ATG4A: variants seen among roughly 807,000 people sequenced by gnomAD.
The protein encoded by ATG4A is cysteine protease ATG4A.
In ATG4A, 22 loss-of-function variants were observed where a neutral mutation model predicts 38.4. The observed-to-expected ratio is 0.57, with a 90% confidence interval of 0.41 to 0.82. The LOEUF is 0.82. Among genes scored for constraint, ATG4A ranks in the 40% least tolerant of loss-of-function variants. ATG4A has a pLI of 0.00. For missense variants in ATG4A, 220 were observed against 290.0 expected, an observed-to-expected ratio of 0.76 and a Z score of 1.75; for synonymous variants, 86 against 100.7, an observed-to-expected ratio of 0.85 and a Z score of 0.88.
intron 1 of ATG4A, among the ~76,000 whole-genome samples, chrX:108,121,219 T>C (rs2032640590): frequency 1.8e-5 from 2 of 111,497 alleles, no homozygotes. Flanking sequence ...AGGAAGGGGA[T>C]GAAAGCATGT....
At chrX:108,128,750 G>A in intron 2 of ATG4A, 31 bp from the exon 3 acceptor site, 2 of 1,036,469 alleles carry the variant, frequency 1.9e-6, no homozygotes, top group Non-Finnish European at 2.6e-6. Context: ...TAGATATGGT[G>A]ATTTAATTTT....
In ATG4A at chrX:108,148,020, A is replaced by AATATATATAT. The variant is rs60886281; in HGVS notation, c.815-2085_815-2076dup. ...CTCTAGAGGGACAGAACTAATGGAAAATATATATATATATATATATATATA... is the reference window on the plus strand; with the variant it reads ...CTCTAGAGGGACAGAACTAATGGAAAATATATATATATATATATATATATATATATATATA... On this transcript the variant is annotated intron_variant, in intron 9 of 12. Coordinates refer to ENST00000372232, the MANE Select transcript of ATG4A (RefSeq NM_052936.5). Among the ~76,000 whole-genome samples, 148 of 80,027 alleles carry AATATATATAT rather than the reference A, an allele frequency of 1.8e-3. 1 individual carries two copies. Among genetic ancestry groups the AATATATATAT allele is most frequent in the Non-Finnish European group, 2.4e-3 (101 of 42,118 alleles). 69.5% of individuals were successfully genotyped at this position (80,027 alleles called of 115,157 possible).
chrX:108,151,706 CCA>C, intron 10 of ATG4A, 94 bp from the exon 11 acceptor site: 1 of 871,640 alleles, frequency 1.1e-6, no homozygotes, highest in Non-Finnish European at 1.7e-6. Flanking sequence ...GAAGTCACAT[CCA>C]CAGAGACTGG....
chrX:108,149,702 A>G (rs2033533245), intron 9 of ATG4A, among the ~76,000 whole-genome samples: 1 of 112,220 alleles, frequency 8.9e-6, no homozygotes, highest in Admixed American at 9.4e-5. Flanking sequence ...CTCCTCCCTT[A>G]CCAGAGGTGC....
At chrX:108,151,780 T>C in intron 10 of ATG4A, 22 bp from the exon 11 acceptor site, 1 of 1,204,506 alleles carries the variant, frequency 8.3e-7, no homozygotes, top group South Asian at 1.8e-5. Flanking sequence ...TTCTAAGTTG[T>C]GTTCTTTTGC....
intron 1 of ATG4A, among the ~76,000 whole-genome samples, chrX:108,093,463 CACTATT>C (rs1407413232): frequency 1.8e-5 from 2 of 111,858 alleles, no homozygotes; most frequent in Non-Finnish European, 3.8e-5. Flanking sequence ...TCTGTCTACT[CACTATT>C]AGATAGGCAC....
In ATG4A at chrX:108,118,519, G is replaced by T. The variant is rs1468639890; in HGVS notation, c.11-7558G>T. 6.3e-5 allele frequency among the ~76,000 whole-genome samples: 7 copies of T among 111,397 alleles called. No individual in the cohort carries two copies. In the Admixed American group the frequency reaches 6.7e-4, roughly 11 times the overall value. The stretch of plus-strand genomic sequence containing the variant: ...GGTCCCTGCCCTGTCCCTCTCAAGG[G>T]GCTGTCACCAGAATCATGTGAAAGT... On this transcript the variant is annotated intron_variant, in intron 1 of 12. Coordinates refer to ENST00000372232, the MANE Select transcript of ATG4A (RefSeq NM_052936.5).
chrX:108,096,467 G>A (rs972961063), intron 1 of ATG4A, among the ~76,000 whole-genome samples: 1 of 111,525 alleles, frequency 9.0e-6, no homozygotes, highest in African/African-American at 3.3e-5. Flanking sequence ...TTCTCTAGTT[G>A]ATTATGGAGG....
chrX:108,104,840 T>C (rs1277064003), intron 1 of ATG4A, among the ~76,000 whole-genome samples: 2 of 111,345 alleles, frequency 1.8e-5, no homozygotes, highest in African/African-American at 6.5e-5. Context: ...TTTGTTCCTC[T>C]GACTATATCA....
At chrX:108,100,770 C>G (rs766742111) in intron 1 of ATG4A, among the ~76,000 whole-genome samples, 2 of 111,422 alleles carry the variant, frequency 1.8e-5, no homozygotes, top group East Asian at 5.5e-4. Flanking sequence ...CATTTGGATG[C>G]GATGTATAAT....
At chrX:108,119,714 C>A (rs2032601780) in intron 1 of ATG4A, among the ~76,000 whole-genome samples, 1 of 111,605 alleles carries the variant, frequency 9.0e-6, no homozygotes, top group Admixed American at 9.5e-5. Context: ...AATTTTGGGG[C>A]TCCTAGAATA....
chrX:108,101,494 T>C (rs989012968), intron 1 of ATG4A, among the ~76,000 whole-genome samples: 1 of 108,998 alleles, frequency 9.2e-6, no homozygotes, highest in Admixed American at 1.0e-4. Flanking sequence ...ATTTCAGACA[T>C]TTCTTCTTCC....
intron 1 of ATG4A, among the ~76,000 whole-genome samples, chrX:108,108,929 T>C (rs1038942236): frequency 8.9e-5 from 10 of 112,365 alleles, no homozygotes; most frequent in Non-Finnish European, 1.9e-4. Flanking sequence ...GACATTTGGG[T>C]CACTTCTACT....
chrX:108,150,332 C>T (rs368573262), intron 10 of ATG4A, 35 bp downstream of exon 10: 9 of 1,205,806 alleles, frequency 7.5e-6, no homozygotes, highest in Admixed American at 2.2e-5. Context: ...CCAGGAGATA[C>T]GATGTGTACA....
At chrX:108,128,967 T>C in intron 3 of ATG4A, 115 bp downstream of exon 3, 1 of 427,573 alleles carries the variant, frequency 2.3e-6, no homozygotes, top group Non-Finnish European at 3.8e-6. Context: ...AAGAATTTGA[T>C]TGAGGAGACT....
intron 9 of ATG4A, among the ~76,000 whole-genome samples, chrX:108,139,683 A>G (rs904598550): frequency 8.9e-6 from 1 of 112,964 alleles, no homozygotes; most frequent in African/African-American, 3.2e-5. Flanking sequence ...GTTGCAAAAA[A>G]TAGATTTCCA....
At chrX:108,141,947 A>G (rs183054975) in intron 9 of ATG4A, among the ~76,000 whole-genome samples, 2 of 111,754 alleles carry the variant, frequency 1.8e-5, no homozygotes, top group African/African-American at 6.5e-5. Flanking sequence ...TTGTACCCCA[A>G]TGGATGATGA....
chrX:108,138,242 G>T (rs778908513), intron 9 of ATG4A, 51 bp downstream of exon 9: 2 of 1,097,238 alleles, frequency 1.8e-6, no homozygotes, highest in Non-Finnish European at 2.5e-6. Context: ...GGGAGGGCGT[G>T]GGGACAAGGT....
At chrX:108,124,223 G>A (rs1450372241) in intron 1 of ATG4A, among the ~76,000 whole-genome samples, 1 of 111,850 alleles carries the variant, frequency 8.9e-6, no homozygotes, top group Admixed American at 9.4e-5. Flanking sequence ...GCAGCAGAGA[G>A]GCTAAGATGG....
Sources: gnomAD v4.1 joint callset for allele counts (sites outside exome capture counted in the v4.1 genomes callset) on GRCh38, gnomAD v4.1.1 for gene constraint, MANE v1.5 for transcripts, NCBI Gene and HGNC (gene_info 2026-07-23, HGNC 2026-07-21) for gene names.